The following GLRB variants were observed in gnomAD, a reference collection of about 807,000 sequenced individuals.
GLRB encodes the protein glycine receptor beta, also known as glycine receptor subunit beta.
GLRB carries 33 observed loss-of-function variants against 54.2 expected under a neutral mutation model. The observed-to-expected ratio is 0.61, with a 90% confidence interval of 0.46 to 0.81. The LOEUF (loss-of-function observed/expected upper bound fraction) is 0.81, where lower values mean the gene tolerates loss of function less well. Ranked by LOEUF, GLRB falls within the 40% of genes least tolerant of loss-of-function variation. GLRB has a pLI of 0.00. For missense variants in GLRB, 572 were observed against 584.6 expected (o/e 0.98, Z 0.22); for synonymous variants, 209 against 208.2 (o/e 1.00, Z -0.03).
At chr4:157,106,004 A>G (rs544500731) in intron 2 of GLRB, among the ~76,000 whole-genome samples, 3 of 152,234 alleles carry the variant, frequency 2.0e-5, no homozygotes, top group East Asian at 3.9e-4. Context: ...ATATAACTTT[A>G]CCAAGTTTTA....
Position 157,170,883 on chromosome 4 carries a change from T to C in GLRB, c.*155T>C. ...AAAACTGTGGCACCTTAATTTTGAA[T>C]GGCAGCATGATCATGTAATATCTGT... On this transcript the variant is annotated 3_prime_UTR_variant, in exon 10 of 10. Coordinates refer to ENST00000264428, the MANE Select transcript of GLRB (RefSeq NM_000824.5). 1 of 571,412 alleles carries C rather than the reference T, an allele frequency of 1.8e-6. No individual in the cohort carries two copies. The highest frequency in any genetic ancestry group is 3.1e-6 in the Non-Finnish European group (1 of 323,390). The allele number at this position is 571,412 out of a possible 1,614,324, so 35.4% of individuals were successfully genotyped here.
chr4:157,080,127 A>G (rs977823912), intron 2 of GLRB, among the ~76,000 whole-genome samples: 4 of 152,182 alleles, frequency 2.6e-5, no homozygotes, highest in Non-Finnish European at 5.9e-5. Flanking sequence ...TGTAGACTGT[A>G]TATACTTACG....
intron 9 of GLRB, among the ~76,000 whole-genome samples, chr4:157,162,701 C>T (rs115222253): frequency 0.038 from 5,790 of 152,202 alleles, 121 homozygotes; most frequent in Middle Eastern, 0.11. Flanking sequence ...CTGGAGGGTT[C>T]GTCTCAGTGG....
intron 4 of GLRB, among the ~76,000 whole-genome samples, chr4:157,124,237 C>T (rs2126538745): frequency 6.6e-6 from 1 of 151,838 alleles, no homozygotes; most frequent in East Asian, 2.0e-4. Flanking sequence ...AAATTCTCAC[C>T]ATGGAGTCTT....
intron 4 of GLRB, among the ~76,000 whole-genome samples, chr4:157,127,994 T>C: frequency 6.6e-6 from 1 of 151,888 alleles, no homozygotes; most frequent in Non-Finnish European, 1.5e-5. Context: ...ATTTTTTTCC[T>C]TCTGAATTCT....
chr4:157,112,629 C>T (rs2126510721), intron 2 of GLRB, among the ~76,000 whole-genome samples: 1 of 152,040 alleles, frequency 6.6e-6, no homozygotes, highest in African/African-American at 2.4e-5. Context: ...AACACAGGAA[C>T]AGTGGGGTTG....
At chr4:157,151,314 A>G (rs1737014792) in intron 8 of GLRB, among the ~76,000 whole-genome samples, 1 of 152,102 alleles carries the variant, frequency 6.6e-6, no homozygotes, top group Non-Finnish European at 1.5e-5. Context: ...TCCCATGGCT[A>G]TAATCAACTG....
At chr4:157,150,077 T>C (rs1303265131) in intron 8 of GLRB, among the ~76,000 whole-genome samples, 3 of 152,088 alleles carry the variant, frequency 2.0e-5, no homozygotes, top group Non-Finnish European at 4.4e-5. Flanking sequence ...CAATTCTGTC[T>C]CCATGTTGAT....
intron 2 of GLRB, among the ~76,000 whole-genome samples, chr4:157,093,090 T>C (rs1187759659): frequency 1.3e-5 from 2 of 152,202 alleles, no homozygotes; most frequent in Admixed American, 1.3e-4. Flanking sequence ...ACTTAGCCTT[T>C]GAATATCTTT....
At chr4:157,160,281 C>A (rs974312596) in intron 9 of GLRB, among the ~76,000 whole-genome samples, 3 of 152,060 alleles carry the variant, frequency 2.0e-5, no homozygotes, top group Admixed American at 6.6e-5. Context: ...TTTCAAAAAA[C>A]CAGCTCCTAG....
At chr4:157,168,348 G>T (rs553377734) in intron 9 of GLRB, among the ~76,000 whole-genome samples, 1 of 152,064 alleles carries the variant, frequency 6.6e-6, no homozygotes, top group African/African-American at 2.4e-5. Context: ...TCTTAGAAGC[G>T]AATTTGGCTA....
chr4:157,163,364 G>T (rs1430521264), intron 9 of GLRB, among the ~76,000 whole-genome samples: 1 of 152,116 alleles, frequency 6.6e-6, no homozygotes, highest in African/African-American at 2.4e-5. Flanking sequence ...CGGTACCTCA[G>T]TTGGAAATGC....
In GLRB at chr4:157,077,996, A is replaced by T. The variant is rs750932469; in HGVS notation, c.-29A>T. The T allele has an allele frequency of 1.3e-6, 2 of 1,583,790 alleles. No homozygotes were observed. Among genetic ancestry groups the T allele is most frequent in the South Asian group, 2.2e-5 (2 of 90,256 alleles). On this transcript the variant is annotated splice_region_variant and 5_prime_UTR_variant, in exon 2 of 10. Transcript: ENST00000264428. ...AACATTTTCTTGTTCTCTCTTGTAG[A>T]TCGATCTTCTGAAATTCAAGTTTTC...
chr4:157,142,067 A>G lies in GLRB; in HGVS notation c.752-1740A>G, dbSNP rs13122448. Among the ~76,000 whole-genome samples, 1,368 of 152,268 alleles carry G rather than the reference A, an allele frequency of 9.0e-3. 11 individuals carry two copies. Among genetic ancestry groups the G allele is most frequent in the Non-Finnish European group, 0.015 (1,007 of 67,956 alleles). On this transcript the variant is annotated intron_variant, in intron 7 of 9. Transcript: ENST00000264428. Reference sequence around the variant, plus strand: ...GACTTAGTGATACTATTACAAAGTCATGTACTTCAGAATCAGTTTTAGGAA... The same window carrying G: ...GACTTAGTGATACTATTACAAAGTCGTGTACTTCAGAATCAGTTTTAGGAA...
intron 9 of GLRB, among the ~76,000 whole-genome samples, chr4:157,165,896 G>T (rs990298944): frequency 6.6e-6 from 1 of 151,894 alleles, no homozygotes; most frequent in African/African-American, 2.4e-5. Context: ...ATCTTTTAAT[G>T]GTAATGATTT....
intron 2 of GLRB, among the ~76,000 whole-genome samples, chr4:157,082,602 A>G (rs1221150187): frequency 6.6e-6 from 1 of 152,290 alleles, no homozygotes; most frequent in South Asian, 2.1e-4. Context: ...CAATATAAGG[A>G]TACCTAGGTG....
At chr4:157,134,881 G>A (rs1471329839) in intron 4 of GLRB, among the ~76,000 whole-genome samples, 1 of 148,432 alleles carries the variant, frequency 6.7e-6, no homozygotes, top group Non-Finnish European at 1.5e-5. Flanking sequence ...TAGAGTTAAT[G>A]TTTAGCTTCC....
chr4:157,092,576 C>A (rs1205426438), intron 2 of GLRB, among the ~76,000 whole-genome samples: 2 of 152,090 alleles, frequency 1.3e-5, no homozygotes, highest in African/African-American at 2.4e-5. Context: ...TCTGGGTCAC[C>A]TTATTACACA....
chr4:157,089,422 A>T (rs1250780788), intron 2 of GLRB, among the ~76,000 whole-genome samples: 1 of 152,104 alleles, frequency 6.6e-6, no homozygotes, highest in East Asian at 1.9e-4. Flanking sequence ...TAAGTAAATG[A>T]AGATACGAAT....
Sources: allele counts gnomAD v4.1 joint callset (sites outside exome capture counted in the v4.1 genomes callset), GRCh38; gene constraint gnomAD v4.1.1; transcripts MANE v1.5; gene names NCBI Gene and HGNC (gene_info 2026-07-23, HGNC 2026-07-21).